The following C2CD3 variants were observed in gnomAD, a reference collection of about 807,000 sequenced individuals.
C2CD3 encodes the protein C2 domain containing 3 centriole elongation regulator.
A neutral mutation model predicts 234.0 loss-of-function variants in C2CD3; 148 were observed. The observed-to-expected ratio is 0.63, with a 90% CI of 0.55 to 0.72. The LOEUF (loss-of-function observed/expected upper bound fraction) is 0.72. Ranked by LOEUF, C2CD3 falls within the 30% of genes least tolerant of loss-of-function variation. C2CD3 has a pLI of 0.00. For synonymous variants in C2CD3, 1,000 were observed against 1,035.4 expected (o/e 0.97, Z 0.66); for missense variants, 2,577 against 2,811.5 (o/e 0.92, Z 1.89).
In C2CD3 at chr11:74,114,492, A is replaced by C. The variant is rs1441557686; in HGVS notation, c.1622T>G (p.Val541Gly). Residue 541 changes from valine to glycine, a missense_variant, in exon 10 of 33, where the codon GTC becomes GGC. Transcript: ENST00000334126. ...TCCCATGGTTTCGATGATGATTCTG[A>C]CTGAATGTGTTCTACCCAAAAGGGC... ...RLALLGRTHS[V>G]RIIIETMGVP... 1.2e-6 allele frequency: 2 copies of C among 1,613,760 alleles called. No individual in the cohort carries two copies. The highest frequency in any genetic ancestry group is 1.7e-6 in the Non-Finnish European group (2 of 1,179,718).
intron 32 of C2CD3, among the ~76,000 whole-genome samples, chr11:74,021,503 A>T (rs1475145650): frequency 1.3e-5 from 2 of 152,144 alleles, no homozygotes; most frequent in African/African-American, 4.8e-5. Flanking sequence ...ATAGAAGAAG[A>T]AGTAGGGGAA....
At chr11:74,030,887 T>C (rs996090326) in intron 31 of C2CD3, among the ~76,000 whole-genome samples, 2 of 152,198 alleles carry the variant, frequency 1.3e-5, no homozygotes, top group Non-Finnish European at 2.9e-5. Flanking sequence ...AAACCTCTAA[T>C]TACACTTTCT....
intron 32 of C2CD3, among the ~76,000 whole-genome samples, chr11:74,028,043 T>C (rs951188626): frequency 1.3e-5 from 2 of 152,174 alleles, no homozygotes; most frequent in East Asian, 3.8e-4. Flanking sequence ...TCTGCACAGC[T>C]TTTTTCTTCC....
At chr11:74,095,079 TA>T (rs1184525900) in intron 17 of C2CD3, 148 bp downstream of exon 17, 3 of 394,812 alleles carry the variant, frequency 7.6e-6, no homozygotes, top group Non-Finnish European at 1.3e-5. Context: ...AGTTAAAAAA[TA>T]AAAAAAACTT....
chr11:74,023,807 A>G (rs1016358954), intron 32 of C2CD3, among the ~76,000 whole-genome samples: 1 of 152,014 alleles, frequency 6.6e-6, no homozygotes, highest in African/African-American at 2.4e-5. Flanking sequence ...CCACTGTCCT[A>G]TTTCTCTGCT....
chr11:74,138,462 C>T (rs1957940146), intron 5 of C2CD3, among the ~76,000 whole-genome samples: 1 of 152,136 alleles, frequency 6.6e-6, no homozygotes, highest in South Asian at 2.1e-4. Context: ...TAAAGGTTTT[C>T]CCCTCATATC....
At chr11:74,121,029 G>GT (rs1957194145) in intron 8 of C2CD3, among the ~76,000 whole-genome samples, 1 of 151,770 alleles carries the variant, frequency 6.6e-6, no homozygotes, top group African/African-American at 2.4e-5. Flanking sequence ...TGTTTCAGGA[G>GT]TGGCAAGTGG....
chr11:74,166,304 G>A lies in C2CD3; in HGVS notation c.325+2040C>T, dbSNP rs1166655033. ...TGCACTCCAGCCTGGGCAACAGAGT[G>A]AGACTCCGTCTTAAAAAAAAAAAAA... On this transcript the variant is annotated intron_variant, in intron 2 of 32. Transcript: ENST00000334126. Among the ~76,000 whole-genome samples, 6 of 145,394 alleles carry A rather than the reference G, an allele frequency of 4.1e-5. No individual in the cohort carries two copies. The East Asian group carries it at 1.2e-3, about 30-fold the overall frequency.
intron 3 of C2CD3, among the ~76,000 whole-genome samples, chr11:74,153,045 C>T (rs1417142350): frequency 1.3e-5 from 2 of 151,980 alleles, no homozygotes; most frequent in Admixed American, 6.6e-5. Context: ...GCCAACATAG[C>T]GAAACCCTGT....
Position 74,170,828 on chromosome 11 carries a change from G to C in C2CD3, c.-36C>G. On this transcript the variant is annotated 5_prime_UTR_variant, in exon 1 of 33. Coordinates refer to ENST00000334126, the MANE Select transcript of C2CD3 (RefSeq NM_001286577.2). ...AGCTCTTCTTCACCAGCTCAACTCC[G>C]TCTCCAGCACCTAAGCAGTATCCTC... is the stretch of plus-strand genomic sequence containing the variant. 6.2e-7 allele frequency: 1 copy of C among 1,613,884 alleles called. No individual in the cohort carries two copies. Among genetic ancestry groups the C allele is most frequent in the Non-Finnish European group, 8.5e-7 (1 of 1,179,942 alleles).
chr11:74,100,826 T>A, intron 14 of C2CD3, 150 bp from the exon 15 acceptor site: 1 of 640,648 alleles, frequency 1.6e-6, no homozygotes, highest in South Asian at 2.2e-5. Flanking sequence ...TTACTCTGTA[T>A]CCTCAAGAGA....
chr11:74,096,908 G>T (rs1320243828), intron 16 of C2CD3, among the ~76,000 whole-genome samples: 1 of 152,154 alleles, frequency 6.6e-6, no homozygotes, highest in Non-Finnish European at 1.5e-5. Context: ...ACTCTAGGAG[G>T]TGGAGGTGGG....
chr11:74,162,853 C>T (rs551659792), intron 2 of C2CD3, among the ~76,000 whole-genome samples: 1 of 152,272 alleles, frequency 6.6e-6, no homozygotes, highest in African/African-American at 2.4e-5. Flanking sequence ...AAAGGATTGC[C>T]CTTGCACAGC....
chr11:74,090,093 G>A (rs947352127), intron 20 of C2CD3, among the ~76,000 whole-genome samples: 2 of 152,142 alleles, frequency 1.3e-5, no homozygotes, highest in African/African-American at 4.8e-5. Flanking sequence ...GAAGCAACAT[G>A]GGGGTTGTGG....
chr11:74,064,657 C>A (rs564346689), intron 24 of C2CD3, among the ~76,000 whole-genome samples: 2 of 152,208 alleles, frequency 1.3e-5, no homozygotes, highest in South Asian at 2.1e-4. Context: ...CATCACACTA[C>A]CTGACTTCAA....
chr11:74,168,135 A>G lies in C2CD3; in HGVS notation c.325+209T>C, dbSNP rs553305182. On this transcript the variant is annotated intron_variant, in intron 2 of 32. Transcript: ENST00000334126. ...AATACCTATCTTTCAGGGTTATTGTAAGGATTAGAAGTAATACATTTCAAA... is the reference window on the plus strand; with the variant it reads ...AATACCTATCTTTCAGGGTTATTGTGAGGATTAGAAGTAATACATTTCAAA... 8.7e-5 allele frequency: 45 copies of G among 517,478 alleles called. No homozygotes were observed. The Middle Eastern group carries it at 1.5e-3, about 17-fold the overall frequency. The allele number at this position is 517,478 out of a possible 1,614,324, so 32.1% of individuals were successfully genotyped here. A position where few individuals can be genotyped will look rare whatever the true frequency, so the allele number is the denominator to read the frequency against.
intron 5 of C2CD3, 156 bp from the exon 6 acceptor site, chr11:74,133,713 A>G: frequency 1.4e-6 from 1 of 690,282 alleles, no homozygotes; most frequent in South Asian, 1.9e-5. Context: ...CCTTGAGGAC[A>G]TTTACGCAAA....
chr11:74,146,105 G>A (rs1362783309), intron 3 of C2CD3, among the ~76,000 whole-genome samples: 1 of 152,134 alleles, frequency 6.6e-6, no homozygotes, highest in African/African-American at 2.4e-5. Context: ...TAAACAGAAA[G>A]TACACATTTA....
chr11:74,156,074 G>C (rs1855996213), intron 3 of C2CD3, among the ~76,000 whole-genome samples: 1 of 152,010 alleles, frequency 6.6e-6, no homozygotes, highest in Non-Finnish European at 1.5e-5. Context: ...AGGAGATTGA[G>C]ACCATCCTGA....
Sources: allele counts gnomAD v4.1 joint callset (sites outside exome capture counted in the v4.1 genomes callset), GRCh38; gene constraint gnomAD v4.1.1; transcripts MANE v1.5; gene names NCBI Gene and HGNC (gene_info 2026-07-23, HGNC 2026-07-21).